Variants in ENTREP2 observed in about 807,000 individuals in gnomAD.
ENTREP2 encodes the protein protein ENTREP2.
the ENTREP2 span, among the ~76,000 whole-genome samples, chr15:29,439,332 C>CACAA: frequency 1.9e-5 from 2 of 103,702 alleles, no homozygotes; most frequent in Non-Finnish European, 4.0e-5. Flanking sequence ...CACACACACA[C>CACAA]AAACAGTAGA....
At chr15:29,247,034 AGG>A in the ENTREP2 span, among the ~76,000 whole-genome samples, 1 of 151,224 alleles carries the variant, frequency 6.6e-6, no homozygotes, top group Non-Finnish European at 1.5e-5. Flanking sequence ...TGTAGCAGGA[AGG>A]GGAGGTGCTA....
the ENTREP2 span, among the ~76,000 whole-genome samples, chr15:29,206,820 T>C: frequency 6.6e-6 from 1 of 152,152 alleles, no homozygotes; most frequent in Non-Finnish European, 1.5e-5. Context: ...AATAAAGGTG[T>C]TTCAGAAAAA....
the ENTREP2 span, chr15:29,268,467 A>G: frequency 3.3e-6 from 1 of 303,414 alleles, no homozygotes; most frequent in Non-Finnish European, 6.0e-6. Context: ...TCTTGGCACC[A>G]AAGCAACTTA....
At chr15:29,343,183 T>C in the ENTREP2 span, among the ~76,000 whole-genome samples, 5 of 152,118 alleles carry the variant, frequency 3.3e-5, no homozygotes, top group African/African-American at 1.2e-4. Context: ...GGAAGTATGA[T>C]AGGTTATTTT....
the ENTREP2 span, among the ~76,000 whole-genome samples, chr15:29,453,549 C>T: frequency 3.9e-5 from 6 of 152,212 alleles, no homozygotes; most frequent in Non-Finnish European, 8.8e-5. Context: ...GGCCAGAGTG[C>T]CCTGGGCTGG....
chr15:29,552,993 A>T, the ENTREP2 span, among the ~76,000 whole-genome samples: 1 of 152,194 alleles, frequency 6.6e-6, no homozygotes, highest in African/African-American at 2.4e-5. Flanking sequence ...CTTGGATTGG[A>T]ATGTTTCATA....
chr15:29,135,208 C>T, the ENTREP2 span, among the ~76,000 whole-genome samples: 12 of 152,070 alleles, frequency 7.9e-5, no homozygotes, highest in East Asian at 1.9e-4. The surrounding 1 kb of genome is among the most constrained non-coding windows in gnomAD (Gnocchi z 7.4). Context: ...GCCCCAGTCC[C>T]CGAGGCCTCC....
chr15:29,354,733 G>A, the ENTREP2 span, among the ~76,000 whole-genome samples: 4 of 152,062 alleles, frequency 2.6e-5, no homozygotes, highest in Non-Finnish European at 4.4e-5. Flanking sequence ...CACACCAAGA[G>A]AAAAGGAGAC....
At chr15:29,474,756 T>C in the ENTREP2 span, among the ~76,000 whole-genome samples, 1 of 152,038 alleles carries the variant, frequency 6.6e-6, no homozygotes. Flanking sequence ...GGTTTCACCA[T>C]GTTGGCCAGG....
the ENTREP2 span, chr15:29,381,923 A>T: frequency 3.4e-6 from 4 of 1,168,682 alleles, no homozygotes; most frequent in Non-Finnish European, 5.0e-6. Flanking sequence ...CCGGAGAAGG[A>T]CGTGTGGAAC....
chr15:29,459,559 T>A, the ENTREP2 span, among the ~76,000 whole-genome samples: 1 of 152,210 alleles, frequency 6.6e-6, no homozygotes, highest in South Asian at 2.1e-4. Context: ...ATATAAAGAT[T>A]ATCGCCAACA....
chr15:29,510,298 G>A, the ENTREP2 span, among the ~76,000 whole-genome samples: 1 of 152,206 alleles, frequency 6.6e-6, no homozygotes, highest in African/African-American at 2.4e-5. Context: ...TACACCATTG[G>A]TGGGAGTATA....
chr15:29,547,927 C>T, the ENTREP2 span, among the ~76,000 whole-genome samples: 2 of 152,096 alleles, frequency 1.3e-5, no homozygotes, highest in African/African-American at 2.4e-5. Context: ...CTGATACATG[C>T]TAAACATGGA....
At chr15:29,645,464 T>C in the ENTREP2 span, among the ~76,000 whole-genome samples, 10,752 of 152,224 alleles carry the variant, frequency 0.071, 1,169 homozygotes, top group African/African-American at 0.23. Flanking sequence ...GCAGCAATGA[T>C]GCCTCCCTGC....
the ENTREP2 span, among the ~76,000 whole-genome samples, chr15:29,442,716 GC>G: frequency 6.6e-6 from 1 of 152,158 alleles, no homozygotes; most frequent in Non-Finnish European, 1.5e-5. Context: ...GGGTCCCCGT[GC>G]CCCCCGACCT....
At chr15:29,526,965 G>A in the ENTREP2 span, among the ~76,000 whole-genome samples, 2 of 152,106 alleles carry the variant, frequency 1.3e-5, no homozygotes, top group Non-Finnish European at 2.9e-5. Flanking sequence ...CGGGGGGCAC[G>A]TGTTTGTCCA....
At chr15:29,561,726 A>G in the ENTREP2 span, among the ~76,000 whole-genome samples, 1 of 151,678 alleles carries the variant, frequency 6.6e-6, no homozygotes, top group South Asian at 2.1e-4. Context: ...AAATAAATAA[A>G]TAAATGTACA....
the ENTREP2 span, among the ~76,000 whole-genome samples, chr15:29,411,755 T>C: frequency 1.5e-3 from 229 of 152,380 alleles, 1 homozygote; most frequent in African/African-American, 4.4e-3. Context: ...TCTTACATTT[T>C]ATTCTGTAAA....
At chr15:29,563,034 A>G in the ENTREP2 span, among the ~76,000 whole-genome samples, 7 of 152,008 alleles carry the variant, frequency 4.6e-5, no homozygotes, top group Non-Finnish European at 8.8e-5. Context: ...CATGTGATCC[A>G]CCTGCGTCAG....
Sources: gnomAD v4.1 joint callset for allele counts (sites outside exome capture counted in the v4.1 genomes callset) on GRCh38, gnomAD v4.1.1 for gene constraint, Gnocchi (gnomAD v3.1) non-coding constraint, MANE v1.5 for transcripts, NCBI Gene and HGNC (gene_info 2026-07-23, HGNC 2026-07-21) for gene names.